Variants in CSTPP1 observed in about 807,000 individuals in gnomAD.
The protein encoded by CSTPP1 is centriolar satellite-associated tubulin polyglutamylase complex regulator 1.
the CSTPP1 span, among the ~76,000 whole-genome samples, chr11:47,067,631 G>A: frequency 6.6e-6 from 1 of 152,238 alleles, no homozygotes; most frequent in Non-Finnish European, 1.5e-5. Context: ...GACACAGTGA[G>A]AAGGCAGCTG....
the CSTPP1 span, among the ~76,000 whole-genome samples, chr11:47,033,409 CT>C: frequency 1.3e-5 from 2 of 152,158 alleles, no homozygotes; most frequent in Non-Finnish European, 2.9e-5. Flanking sequence ...TTTTCTGGCC[CT>C]GCTTCTGTGT....
At chr11:46,936,977 CG>C in the CSTPP1 span, 10 of 1,090,692 alleles carry the variant, frequency 9.2e-6, no homozygotes, top group Non-Finnish European at 1.2e-5. Flanking sequence ...GGCGGAGAGG[CG>C]GGGGTTCCAG....
the CSTPP1 span, among the ~76,000 whole-genome samples, chr11:47,055,593 A>G: frequency 1.4e-4 from 21 of 152,296 alleles, no homozygotes; most frequent in East Asian, 2.7e-3. Flanking sequence ...CCACTGCCCT[A>G]AGAAATAGGT....
At chr11:47,072,192 A>G in the CSTPP1 span, among the ~76,000 whole-genome samples, 5 of 152,196 alleles carry the variant, frequency 3.3e-5, no homozygotes. Context: ...TTCCCAGCAC[A>G]CTGAATTATT....
At chr11:47,031,715 T>TA in the CSTPP1 span, among the ~76,000 whole-genome samples, 525 of 147,672 alleles carry the variant, frequency 3.6e-3, 2 homozygotes, top group African/African-American at 8.3e-3. Flanking sequence ...TTTTTTTTTT[T>TA]AAAAGAGATC....
chr11:47,057,736 T>G, the CSTPP1 span, among the ~76,000 whole-genome samples: 1 of 152,226 alleles, frequency 6.6e-6, no homozygotes, highest in South Asian at 2.1e-4. Context: ...CTCCAGAATC[T>G]TTGGCTACAA....
chr11:47,037,935 G>A, the CSTPP1 span, among the ~76,000 whole-genome samples: 34 of 127,788 alleles, frequency 2.7e-4, 5 homozygotes, highest in East Asian at 6.6e-3. Context: ...GCCGGGCAGA[G>A]GGGCTCCTCA....
At chr11:47,105,232 T>A in the CSTPP1 span, among the ~76,000 whole-genome samples, 2 of 152,176 alleles carry the variant, frequency 1.3e-5, no homozygotes, top group Non-Finnish European at 2.9e-5. Context: ...TGGTGGCTCA[T>A]GCCTGTAATC....
At chr11:47,010,245 A>G in the CSTPP1 span, among the ~76,000 whole-genome samples, 1 of 152,202 alleles carries the variant, frequency 6.6e-6, no homozygotes, top group African/African-American at 2.4e-5. Context: ...TGCCTTGGCA[A>G]AAAGAGGAAA....
chr11:46,955,994 C>G, the CSTPP1 span, among the ~76,000 whole-genome samples: 906 of 149,338 alleles, frequency 6.1e-3, 6 homozygotes, highest in African/African-American at 8.5e-3. Context: ...CCACCCCCCC[C>G]CCCCCACCAA....
At chr11:46,960,582 T>C in the CSTPP1 span, among the ~76,000 whole-genome samples, 197 of 152,272 alleles carry the variant, frequency 1.3e-3, 2 homozygotes, top group Non-Finnish European at 4.1e-4. Context: ...CGATGTTTGC[T>C]GGGCGCGGTG....
chr11:47,161,693 G>C, the CSTPP1 span: 1 of 1,541,434 alleles, frequency 6.5e-7, no homozygotes, highest in Non-Finnish European at 8.7e-7. Context: ...CCCAGCCCTT[G>C]GTGTGCCCAC....
At chr11:46,987,190 C>T in the CSTPP1 span, 141 of 1,609,994 alleles carry the variant, frequency 8.8e-5, no homozygotes, top group Non-Finnish European at 1.2e-4. Context: ...CTCTTTCTCT[C>T]TTGCTATTTG....
chr11:47,151,849 G>A, the CSTPP1 span, among the ~76,000 whole-genome samples: 9 of 151,766 alleles, frequency 5.9e-5, no homozygotes, highest in Non-Finnish European at 1.2e-4. Flanking sequence ...CCTCCTGCTC[G>A]GCATATGTTT....
At chr11:47,037,784 C>A in the CSTPP1 span, among the ~76,000 whole-genome samples, 1 of 124,616 alleles carries the variant, frequency 8.0e-6, no homozygotes, top group African/African-American at 2.5e-5. Flanking sequence ...CCACGTCTAC[C>A]TCTTTCTACA....
At chr11:47,027,713 C>T in the CSTPP1 span, among the ~76,000 whole-genome samples, 1 of 152,160 alleles carries the variant, frequency 6.6e-6, no homozygotes, top group Non-Finnish European at 1.5e-5. Context: ...CTATCCACTA[C>T]AATGGCAGCT....
At chr11:47,047,362 C>G in the CSTPP1 span, among the ~76,000 whole-genome samples, 1 of 152,162 alleles carries the variant, frequency 6.6e-6, no homozygotes, top group African/African-American at 2.4e-5. Flanking sequence ...CACAGTAATT[C>G]AAGTATTATG....
At chr11:47,154,496 G>C in the CSTPP1 span, 1 of 152,628 alleles carries the variant, frequency 6.6e-6, no homozygotes, top group Non-Finnish European at 1.5e-5. Flanking sequence ...GGAGGGACTA[G>C]AGACAGGAAA....
At chr11:47,003,501 C>T in the CSTPP1 span, among the ~76,000 whole-genome samples, 1 of 152,186 alleles carries the variant, frequency 6.6e-6, no homozygotes, top group Non-Finnish European at 1.5e-5. Context: ...CTCTCAGCTC[C>T]CGGCCCCCTT....
Sources: allele counts gnomAD v4.1 joint callset (sites outside exome capture counted in the v4.1 genomes callset), GRCh38; gene constraint gnomAD v4.1.1; transcripts MANE v1.5; gene names NCBI Gene and HGNC (gene_info 2026-07-23, HGNC 2026-07-21).